The following ZNF500 variants were observed in gnomAD, a reference collection of about 807,000 sequenced individuals.
ZNF500 encodes the protein zinc finger protein 500.
Under a neutral mutation model 30.1 loss-of-function variants are expected in ZNF500, and 31 were observed. That is an observed-to-expected ratio of 1.03 (90% CI 0.77 to 1.39). ZNF500 has a LOEUF of 1.39. Ranked by LOEUF, ZNF500 falls within the 40% of genes most tolerant of loss-of-function variation. The pLI is 0.00. For synonymous variants in ZNF500, 392 were observed against 282.0 expected (o/e 1.39, Z -3.91); for missense variants, 817 against 657.8 (o/e 1.24, Z -2.65).
chr16:4,753,289 C>T (rs956439876), intron 5 of ZNF500: 4 of 735,260 alleles, frequency 5.4e-6, no homozygotes, highest in African/African-American at 3.6e-5. Flanking sequence ...AGTGAGATCT[C>T]GTCTCTACAG....
At chr16:4,766,284 C>G (rs1165586173) in intron 1 of ZNF500, among the ~76,000 whole-genome samples, 2 of 152,048 alleles carry the variant, frequency 1.3e-5, no homozygotes, top group South Asian at 4.1e-4. Flanking sequence ...CCTCACTGGG[C>G]AAACAGAGAT....
chr16:4,746,747 A>T, downstream of ZNF500: 4 of 750,938 alleles, frequency 5.3e-6, no homozygotes, highest in Admixed American at 1.3e-4. Context: ...CAACACGTCT[A>T]GGCTGGAGGG....
At chr16:4,744,720 G>A, downstream of ZNF500, 1 of 973,222 alleles carries the variant, frequency 1.0e-6, no homozygotes, top group Admixed American at 2.7e-5. Context: ...GTCCTCAGAG[G>A]GCTGAGTAGG....
downstream of ZNF500, chr16:4,747,458 G>A (rs756157506): frequency 1.2e-5 from 20 of 1,613,124 alleles, no homozygotes; most frequent in Non-Finnish European, 1.6e-5. Context: ...TCAGGCCCCT[G>A]AAGACACAGC....
Position 4,762,637 on chromosome 16 carries a change from G to A in ZNF500, c.534C>T (p.Ser178=). 6.2e-7 allele frequency: 1 copy of A among 1,614,116 alleles called. No homozygotes were observed. The highest frequency in any genetic ancestry group is 8.5e-7 in the Non-Finnish European group (1 of 1,179,992). Residue 178 remains serine (S), a synonymous_variant, in exon 3 of 6, where the codon AGC becomes AGT. Coordinates refer to ENST00000219478, the MANE Select transcript of ZNF500 (RefSeq NM_021646.4). ...LSLEEEARFS[S]QQPPAQLSHR... is the part of the protein sequence containing the mutation. Reference sequence around the variant, plus strand: ...GGCTCAGCTGGGCTGGGGGCTGCTGGCTGGAGAATCGAGCCTCTTCCTCCA... The same window carrying A: ...GGCTCAGCTGGGCTGGGGGCTGCTGACTGGAGAATCGAGCCTCTTCCTCCA...
downstream of ZNF500, among the ~76,000 whole-genome samples, chr16:4,744,538 T>G (rs973773519): frequency 2.6e-5 from 4 of 152,166 alleles, no homozygotes; most frequent in Admixed American, 2.0e-4. Flanking sequence ...TATTTTTTTT[T>G]TAAGTCAACA....
In ZNF500 at chr16:4,765,783, C is replaced by G. The variant is rs1327520456; in HGVS notation, c.196G>C (p.Glu66Gln). 1 of 1,612,896 alleles carries G rather than the reference C, an allele frequency of 6.2e-7. No homozygotes were observed. The highest frequency in any genetic ancestry group is 8.5e-7 in the Non-Finnish European group (1 of 1,179,868). ...AGCTCCCAGAGGCGGCTCAGGGCCT[C>G]CCGGGGCCCAGCCACCTCCTGGTAG... ...FCYQEVAGPR[E>Q]ALSRLWELCC... Residue 66 changes from glutamate (E) to glutamine (Q), a missense_variant, in exon 2 of 6, where the codon GAG becomes CAG. Physicochemically the swap from Glu to Gln is conservative, Grantham distance 29 (BLOSUM62 2). Coordinates refer to ENST00000219478, the MANE Select transcript of ZNF500 (RefSeq NM_021646.4).
At chr16:4,745,021 G>C (rs1432779294), downstream of ZNF500, 1 of 1,611,972 alleles carries the variant, frequency 6.2e-7, no homozygotes, top group African/African-American at 1.3e-5. Flanking sequence ...GGTGGGACTT[G>C]TAGCCAGGCC....
At chr16:4,747,085 G>T (rs1567508303), downstream of ZNF500, 54 of 1,451,150 alleles carry the variant, frequency 3.7e-5, no homozygotes, top group Non-Finnish European at 4.9e-5. Context: ...TCTGCAGCAA[G>T]CCCTCCACCT....
intron 4 of ZNF500, among the ~76,000 whole-genome samples, chr16:4,760,954 G>A (rs1174107124): frequency 1.3e-5 from 2 of 152,192 alleles, no homozygotes; most frequent in Admixed American, 1.3e-4. Context: ...ACTTCAGGAT[G>A]CCTCTGGGCC....
chr16:4,747,006 C>T, downstream of ZNF500: 1 of 1,535,022 alleles, frequency 6.5e-7, no homozygotes, highest in Non-Finnish European at 8.7e-7. Flanking sequence ...GGGGGCATCT[C>T]CTTCCTCCCT....
In ZNF500 at chr16:4,762,716, A is replaced by G. The variant is rs775641390; in HGVS notation, c.455T>C (p.Ile152Thr). The change falls in exon 3 of 6, where the codon ATA becomes ACA. Residue 152 changes from isoleucine to threonine, a missense_variant. Ile to Thr is a moderately conservative substitution (Grantham distance 89, BLOSUM62 -1). Coordinates refer to ENST00000219478, the MANE Select transcript of ZNF500 (RefSeq NM_021646.4). Reference sequence around the variant, plus strand: ...CTGGTGTTTTAAGAACTGTCCCCCTATCCCGAGGGGCACCTCGTCATCAGA... The same window carrying G: ...CTGGTGTTTTAAGAACTGTCCCCCTGTCCCGAGGGGCACCTCGTCATCAGA... ...LLSDDEVPLG[I>T]GGQFLKHQAE... The G allele has an allele frequency of 1.2e-6, 2 of 1,612,978 alleles. No homozygotes were observed. The highest frequency in any genetic ancestry group is 3.3e-5 in the Admixed American group (2 of 59,966).
Position 4,765,969 on chromosome 16 carries a change from C to G in ZNF500, c.10G>C (p.Val4Leu). ...GTTGGCAGGGGCTGGAGGCCAGGGA[C>G]AGTGGCCATTGCTTCCGGTGGGCCT... MAT[V>L]PGLQPLPTLE... is the part of the protein sequence containing the mutation. The change falls in exon 2 of 6, where the codon GTC becomes CTC. Residue 4 changes from valine to leucine, a missense_variant. Physicochemically the swap from Val to Leu is conservative, Grantham distance 32. Coordinates refer to ENST00000219478, the MANE Select transcript of ZNF500 (RefSeq NM_021646.4). 1 of 1,562,588 alleles carries G rather than the reference C, an allele frequency of 6.4e-7. No individual in the cohort carries two copies. Among genetic ancestry groups the G allele is most frequent in the African/African-American group, 1.4e-5 (1 of 73,116 alleles).
At chr16:4,760,371 G>T in intron 5 of ZNF500, 121 bp downstream of exon 5, 1 of 864,342 alleles carries the variant, frequency 1.2e-6, no homozygotes, top group Non-Finnish European at 1.8e-6. Flanking sequence ...GATACGGGTA[G>T]CCCTGTCCAC....
Position 4,750,543 on chromosome 16 carries a change from C to G in ZNF500, c.*1833G>C, listed in dbSNP as rs114726519. On this transcript the variant is annotated 3_prime_UTR_variant, in exon 6 of 6. Transcript: ENST00000219478. ...CTCGTTCTATCACCAGGCTGGAGTACAACGGTGCGACCTCGGCTCACTGCA... is the reference window on the plus strand; with the variant it reads ...CTCGTTCTATCACCAGGCTGGAGTAGAACGGTGCGACCTCGGCTCACTGCA... 1 of 149,600 alleles carries G rather than the reference C, an allele frequency of 6.7e-6. No individual in the cohort carries two copies. The highest frequency in any genetic ancestry group is 1.5e-5 in the Non-Finnish European group (1 of 67,712). The allele number at this position is 149,600 out of a possible 1,614,324, so 9.3% of individuals were successfully genotyped here. A position where few individuals can be genotyped will look rare whatever the true frequency, so the allele number is the denominator to read the frequency against.
At chr16:4,762,779 C>T in intron 2 of ZNF500, 23 bp from the exon 3 acceptor site, 2 of 1,559,366 alleles carry the variant, frequency 1.3e-6, no homozygotes, top group South Asian at 1.2e-5. Flanking sequence ...AGTGATCTCC[C>T]CACCAGCTCC....
Position 4,752,710 on chromosome 16 carries a change from GTGC to G in ZNF500, c.1106_1108del (p.Ser369del). ...CTCGCCTGTGTGCACCCTCTGGTGC[GTGC>G]TGAAGTTGGAGCGGTCGCTAAAGCC... On this transcript the variant is annotated inframe_deletion, in exon 6 of 6. Transcript: ENST00000219478. 1 of 1,614,200 alleles carries G rather than the reference GTGC, an allele frequency of 6.2e-7. No individual in the cohort carries two copies. The highest frequency in any genetic ancestry group is 8.5e-7 in the Non-Finnish European group (1 of 1,180,026).
chr16:4,766,971 T>C (rs1460382891), intron 1 of ZNF500, 46 bp downstream of exon 1: 1 of 152,174 alleles, frequency 6.6e-6, no homozygotes, highest in Non-Finnish European at 1.5e-5. Flanking sequence ...GGCCGCGAAA[T>C]CGAAGCTTCG....
intron 5 of ZNF500, among the ~76,000 whole-genome samples, chr16:4,755,785 G>GC (rs2082129166): frequency 6.6e-6 from 1 of 152,146 alleles, no homozygotes; most frequent in African/African-American, 2.4e-5. Flanking sequence ...CTTCACAGTA[G>GC]CCAAAAAATG....
Sources: allele counts gnomAD v4.1 joint callset (sites outside exome capture counted in the v4.1 genomes callset), GRCh38; gene constraint gnomAD v4.1.1; transcripts MANE v1.5; gene names NCBI Gene and HGNC (gene_info 2026-07-23, HGNC 2026-07-21).